PCNX2: variants seen among roughly 807,000 people sequenced by gnomAD.
PCNX2 encodes pecanex 2.
A neutral mutation model predicts 223.8 loss-of-function variants in PCNX2; 168 were observed. That is an observed-to-expected ratio of 0.75 (90% CI 0.66 to 0.85). The LOEUF (loss-of-function observed/expected upper bound fraction) is 0.85, where lower values mean the gene tolerates loss of function less well. Ranked by LOEUF, PCNX2 falls within the 40% of genes least tolerant of loss-of-function variation. PCNX2 has a pLI of 0.00. For missense variants in PCNX2, 2,507 were observed against 2,675.5 expected (o/e 0.94, Z 1.39); for synonymous variants, 1,006 against 1,052.6 (o/e 0.96, Z 0.86).
chr1:233,282,907 A>G (rs1661261347), intron 1 of PCNX2, among the ~76,000 whole-genome samples: 1 of 152,220 alleles, frequency 6.6e-6, no homozygotes, highest in Non-Finnish European at 1.5e-5. Context: ...ACCTAACTAT[A>G]TATCAAATGA....
intron 14 of PCNX2, among the ~76,000 whole-genome samples, 178 bp downstream of exon 14, chr1:233,199,976 A>G (rs1680968918): frequency 6.6e-6 from 1 of 152,156 alleles, no homozygotes; most frequent in African/African-American, 2.4e-5. Context: ...ACCTCTTCCA[A>G]TTTGGCTACA....
intron 21 of PCNX2, among the ~76,000 whole-genome samples, chr1:233,133,168 G>A (rs1017401293): frequency 6.6e-6 from 1 of 152,048 alleles, no homozygotes; most frequent in Non-Finnish European, 1.5e-5. Context: ...CAAAGTGCTA[G>A]GATTACAGGC....
chr1:233,155,665 A>C (rs1399761101), intron 19 of PCNX2, among the ~76,000 whole-genome samples: 4 of 152,202 alleles, frequency 2.6e-5, no homozygotes, highest in African/African-American at 9.7e-5. Context: ...TGGAAACATT[A>C]CCTTGGAGGA....
At chr1:233,213,919 C>A (rs1334950260) in intron 12 of PCNX2, among the ~76,000 whole-genome samples, 1 of 149,800 alleles carries the variant, frequency 6.7e-6, no homozygotes, top group Admixed American at 6.7e-5. Flanking sequence ...ACCTTTGCCA[C>A]CCGGGTTCAA....
In PCNX2 at chr1:233,258,427, T is replaced by A. The variant is rs1269095944; in HGVS notation, c.1435A>T (p.Ile479Phe). Residue 479 changes from isoleucine to phenylalanine, a missense_variant, in exon 5 of 34, where the codon ATC becomes TTC. This residue lies in a region of PCNX2 where 1,031 missense variants were observed against 1,021.7 expected (regional missense o/e 1.01). Coordinates refer to ENST00000258229, the MANE Select transcript of PCNX2 (RefSeq NM_014801.4). ...CGTGATGAAGAACTGTGATCCTTGA[T>A]GGCATTTCCCCCCTCCCCAGATCCG... is the stretch of plus-strand genomic sequence containing the variant. ...GYGSGEGGNA[I>F]KDHSSSSREP... is the part of the protein sequence containing the mutation. 1 of 1,613,812 alleles carries A rather than the reference T, an allele frequency of 6.2e-7. No individual in the cohort carries two copies. The highest frequency in any genetic ancestry group is 8.5e-7 in the Non-Finnish European group (1 of 1,179,876).
At chr1:233,297,108 T>C (rs557974883), upstream of PCNX2, among the ~76,000 whole-genome samples, 2 of 152,362 alleles carry the variant, frequency 1.3e-5, no homozygotes, top group East Asian at 3.9e-4. Flanking sequence ...GCTTGTAACC[T>C]ACCAGGTGCT....
At chr1:233,192,166 A>G (rs1680455647) in intron 15 of PCNX2, among the ~76,000 whole-genome samples, 1 of 152,230 alleles carries the variant, frequency 6.6e-6, no homozygotes, top group Non-Finnish European at 1.5e-5. Context: ...TCTTGACTAT[A>G]AGACAAAAGT....
intron 23 of PCNX2, among the ~76,000 whole-genome samples, chr1:233,069,560 C>G (rs555194395): frequency 6.6e-6 from 1 of 151,840 alleles, no homozygotes; most frequent in East Asian, 1.9e-4. Context: ...ACAAAGAAAA[C>G]AGGAAAATAT....
intron 1 of PCNX2, among the ~76,000 whole-genome samples, chr1:233,292,392 A>G (rs1254385134): frequency 6.6e-6 from 1 of 151,792 alleles, no homozygotes; most frequent in Non-Finnish European, 1.5e-5. Context: ...TCTTTTTAGT[A>G]AAGACAGGAT....
At chr1:233,015,898 TA>T (rs879667163) in intron 27 of PCNX2, among the ~76,000 whole-genome samples, 208 of 138,804 alleles carry the variant, frequency 1.5e-3, no homozygotes, top group Non-Finnish European at 1.5e-3. Context: ...AAGTCAGCTT[TA>T]AAAAAAAAAA....
At chr1:233,036,126 C>T (rs1671445142) in intron 25 of PCNX2, among the ~76,000 whole-genome samples, 1 of 152,146 alleles carries the variant, frequency 6.6e-6, no homozygotes, top group South Asian at 2.1e-4. Flanking sequence ...CCCTCCCTGC[C>T]CCACAAACTT....
At chr1:233,243,844 T>C (rs1658937240) in intron 8 of PCNX2, among the ~76,000 whole-genome samples, 1 of 152,134 alleles carries the variant, frequency 6.6e-6, no homozygotes, top group Non-Finnish European at 1.5e-5. Context: ...TTTTTTATTT[T>C]TTTTTGAGAC....
chr1:233,204,902 A>G (rs1332725326), intron 13 of PCNX2, among the ~76,000 whole-genome samples: 1 of 152,226 alleles, frequency 6.6e-6, no homozygotes, highest in Non-Finnish European at 1.5e-5. Context: ...TCCAGTGGAA[A>G]AGAATGTTCC....
chr1:233,130,465 T>TG (rs1553296590), intron 21 of PCNX2, among the ~76,000 whole-genome samples: 28 of 136,472 alleles, frequency 2.1e-4, no homozygotes, highest in East Asian at 1.3e-3. Context: ...CCCCCAACTT[T>TG]TGTGTGTGTG....
chr1:233,177,211 C>T (rs1290890255), intron 17 of PCNX2, among the ~76,000 whole-genome samples: 1 of 152,212 alleles, frequency 6.6e-6, no homozygotes, highest in African/African-American at 2.4e-5. Context: ...TTAGCTCCCA[C>T]AATTTAGCCT....
chr1:233,087,069 T>C, intron 23 of PCNX2: 1 of 985,410 alleles, frequency 1.0e-6, no homozygotes, highest in Non-Finnish European at 1.2e-6. Flanking sequence ...GTCTGCAGGT[T>C]TCAGGACCGG....
chr1:233,095,354 A>C (rs1358223315), intron 22 of PCNX2: 1 of 167,740 alleles, frequency 6.0e-6, no homozygotes, highest in African/African-American at 2.4e-5. Context: ...CCATACTATA[A>C]AATAATATAC....
chr1:233,239,567 C>A (rs145035512), intron 8 of PCNX2, among the ~76,000 whole-genome samples: 2 of 152,294 alleles, frequency 1.3e-5, no homozygotes, highest in African/African-American at 4.8e-5. Context: ...TACTCACTAT[C>A]TGTGACTATA....
intron 15 of PCNX2, among the ~76,000 whole-genome samples, chr1:233,193,895 C>G (rs1051483252): frequency 3.3e-5 from 5 of 151,926 alleles, no homozygotes; most frequent in African/African-American, 1.2e-4. Context: ...GAAAAAAAGA[C>G]TATAGCATAC....
Sources: allele counts gnomAD v4.1 joint callset (sites outside exome capture counted in the v4.1 genomes callset), GRCh38; gene constraint gnomAD v4.1.1; regional missense constraint gnomAD v4.1.1; transcripts MANE v1.5; gene names NCBI Gene and HGNC (gene_info 2026-07-23, HGNC 2026-07-21).